ROR1: variants seen among roughly 807,000 people sequenced by gnomAD.
The protein encoded by ROR1 is ROR family WNT receptor 1, also known as inactive tyrosine-protein kinase transmembrane receptor ROR1.
ROR1 carries 19 observed loss-of-function variants against 78.8 expected under a neutral mutation model. The ratio of observed to expected loss-of-function variants is 0.24; its 90% confidence interval spans 0.17 to 0.35. The LOEUF (loss-of-function observed/expected upper bound fraction) is 0.35, where lower values mean the gene tolerates loss of function less well. Among genes scored for constraint, ROR1 ranks in the 10% least tolerant of loss-of-function variants. ROR1 has a pLI of 1.00. For synonymous variants in ROR1, 386 were observed against 433.6 expected, an observed-to-expected ratio of 0.89 and a Z score of 1.36; for missense variants, 917 against 1,177.8, an observed-to-expected ratio of 0.78 and a Z score of 3.24.
At chr1:63,903,688 T>TTA (rs1292019741) in intron 1 of ROR1, among the ~76,000 whole-genome samples, 2 of 152,046 alleles carry the variant, frequency 1.3e-5, no homozygotes, top group African/African-American at 4.8e-5. Context: ...TGTGCACAGA[T>TTA]TATATAACTA....
intron 2 of ROR1, among the ~76,000 whole-genome samples, chr1:64,040,387 C>T (rs1051421884): frequency 1.3e-5 from 2 of 152,054 alleles, no homozygotes; most frequent in Non-Finnish European, 2.9e-5. Flanking sequence ...TAAGTATTCC[C>T]ACTTAGAAAT....
chr1:63,900,658 A>G (rs1352564465), intron 1 of ROR1, among the ~76,000 whole-genome samples: 2 of 152,096 alleles, frequency 1.3e-5, no homozygotes, highest in Admixed American at 1.3e-4. Context: ...ATTAAAAACC[A>G]TAGAGAAAAA....
At chr1:63,794,549 A>C (rs768985187) in intron 1 of ROR1, among the ~76,000 whole-genome samples, 6 of 152,242 alleles carry the variant, frequency 3.9e-5, no homozygotes, top group Non-Finnish European at 7.3e-5. Flanking sequence ...CCAGAGAGAC[A>C]GAATGAGGAG....
In ROR1 at chr1:64,006,224, G is replaced by A. The variant is rs373959133; in HGVS notation, c.92-3081G>A. Among the ~76,000 whole-genome samples, 9 of 152,342 alleles carry A rather than the reference G, an allele frequency of 5.9e-5. No individual in the cohort carries two copies. The East Asian group carries it at 1.7e-3, about 29-fold the overall frequency. ...TATGAAAATATTGCATGTAAATGCT[G>A]TCAAGGTTCATTTTAATCCCACCAC... On this transcript the variant is annotated intron_variant, in intron 1 of 8. Coordinates refer to ENST00000371079, the MANE Select transcript of ROR1 (RefSeq NM_005012.4).
chr1:64,179,973 A>G lies in ROR1; in HGVS notation c.*1118A>G, dbSNP rs1355179295. ...CACAGATTTGATTCCCGCCCCAAGA[A>G]TTACAACAATGTATTCATACAGTCA... On this transcript the variant is annotated 3_prime_UTR_variant, in exon 9 of 9. Transcript: ENST00000371079. The G allele has an allele frequency of 6.6e-6, 1 of 152,190 alleles. No homozygotes were observed. Among genetic ancestry groups the G allele is most frequent in the African/African-American group, 2.4e-5 (1 of 41,432 alleles). 9.4% of individuals were successfully genotyped at this position (152,190 alleles called of 1,614,324 possible). A position where few individuals can be genotyped will look rare whatever the true frequency, so the allele number is the denominator to read the frequency against.
intron 1 of ROR1, among the ~76,000 whole-genome samples, chr1:63,921,973 T>C (rs1028050994): frequency 6.6e-6 from 1 of 152,170 alleles, no homozygotes; most frequent in Non-Finnish European, 1.5e-5. Flanking sequence ...TCTCAGGAGC[T>C]CCCACTTTGG....
chr1:63,940,013 T>G (rs943604231), intron 1 of ROR1, among the ~76,000 whole-genome samples: 10 of 152,304 alleles, frequency 6.6e-5, no homozygotes, highest in Middle Eastern at 6.8e-3. Context: ...GAGTATCCTG[T>G]ATACAGGAGT....
intron 4 of ROR1, among the ~76,000 whole-genome samples, chr1:64,124,831 G>A (rs980991124): frequency 4.3e-4 from 65 of 152,146 alleles, no homozygotes; most frequent in African/African-American, 1.5e-3. Flanking sequence ...AACACTAGGA[G>A]TTTCTGACAT....
chr1:64,147,704 C>T (rs1050491245), intron 7 of ROR1, among the ~76,000 whole-genome samples: 17 of 152,118 alleles, frequency 1.1e-4, no homozygotes, highest in Non-Finnish European at 2.4e-4. Context: ...AATTTCCAGC[C>T]CTGTTTTACC....
chr1:63,923,819 C>G (rs1645676758), intron 1 of ROR1, among the ~76,000 whole-genome samples: 1 of 151,940 alleles, frequency 6.6e-6, no homozygotes, highest in South Asian at 2.1e-4. Context: ...TCCCTGCCCA[C>G]TTACCCACCT....
intron 2 of ROR1, among the ~76,000 whole-genome samples, chr1:64,024,500 C>CA (rs1048739940): frequency 2.8e-4 from 42 of 151,368 alleles, no homozygotes; most frequent in South Asian, 8.4e-4. Flanking sequence ...AAACAAAAAA[C>CA]AAAAAAAACA....
At chr1:63,916,731 C>G (rs1645611855) in intron 1 of ROR1, among the ~76,000 whole-genome samples, 1 of 152,172 alleles carries the variant, frequency 6.6e-6, no homozygotes, top group Admixed American at 6.5e-5. Flanking sequence ...GACTCCTTGG[C>G]TATTGACAGA....
intron 1 of ROR1, among the ~76,000 whole-genome samples, chr1:63,867,513 T>A (rs1470542511): frequency 6.6e-6 from 1 of 152,208 alleles, no homozygotes; most frequent in East Asian, 1.9e-4. Flanking sequence ...GAAAAGATAA[T>A]GTTGAATGGG....
intron 1 of ROR1, among the ~76,000 whole-genome samples, chr1:63,854,419 C>T (rs1420237066): frequency 6.6e-6 from 1 of 152,148 alleles, no homozygotes; most frequent in Non-Finnish European, 1.5e-5. Flanking sequence ...GTAGACTTTT[C>T]TACATATTTT....
rs749324407 is a variant in ROR1 at position 64,118,350 on chromosome 1, C to T, written c.483-19019C>T. On this transcript the variant is annotated intron_variant, in intron 4 of 8. Transcript: ENST00000371079. ...TGGTTAAGAATTAGATGGACCTGGC[C>T]GGGTGCTGTGGCTCACGCCTGTAAT... Among the ~76,000 whole-genome samples, 6 of 152,092 alleles carry T rather than the reference C, an allele frequency of 3.9e-5. No homozygotes were observed. In the East Asian group the frequency reaches 5.8e-4, roughly 15 times the overall value.
At chr1:63,989,640 A>G (rs575149233) in intron 1 of ROR1, among the ~76,000 whole-genome samples, 43 of 152,302 alleles carry the variant, frequency 2.8e-4, no homozygotes, top group Admixed American at 4.6e-4. Context: ...GAAGGCAGCT[A>G]TCAAGTATTC....
intron 1 of ROR1, among the ~76,000 whole-genome samples, chr1:63,955,813 C>T (rs1645977271): frequency 2.0e-5 from 3 of 152,162 alleles, no homozygotes. Flanking sequence ...TTACCGTTAT[C>T]CCAAGTACAT....
intron 1 of ROR1, among the ~76,000 whole-genome samples, chr1:63,816,784 A>C (rs1260713943): frequency 6.6e-6 from 1 of 152,192 alleles, no homozygotes; most frequent in Non-Finnish European, 1.5e-5. Context: ...CATTTGTAAG[A>C]TGAGAATAAG....
At chr1:64,146,829 A>G (rs866071544) in intron 7 of ROR1, among the ~76,000 whole-genome samples, 4 of 152,228 alleles carry the variant, frequency 2.6e-5, no homozygotes, top group African/African-American at 7.2e-5. Context: ...CAGGATACCT[A>G]CTATGTGCCT....
Sources: gnomAD v4.1 joint callset for allele counts (sites outside exome capture counted in the v4.1 genomes callset) on GRCh38, gnomAD v4.1.1 for gene constraint, MANE v1.5 for transcripts, NCBI Gene and HGNC (gene_info 2026-07-23, HGNC 2026-07-21) for gene names.